PEX26: variants seen among roughly 807,000 people sequenced by gnomAD.
PEX26 encodes the protein peroxisomal biogenesis factor 26.
In PEX26, 18 loss-of-function variants were observed where a neutral mutation model predicts 31.4. That is an observed-to-expected ratio of 0.57 (90% confidence interval 0.40 to 0.85). The LOEUF (loss-of-function observed/expected upper bound fraction) is 0.85. Among genes scored for constraint, PEX26 ranks in the 40% least tolerant of loss-of-function variants. The probability of loss-of-function intolerance (pLI) is 0.00; values close to 1 mark genes in which losing one functional copy is unlikely to be tolerated. For missense variants in PEX26, 377 were observed against 383.9 expected (o/e 0.98, Z 0.15); for synonymous variants, 176 against 166.9 (o/e 1.05, Z -0.42).
At position 18,094,171 on chromosome 22, in the gene PEX26, G is replaced by A. The variant is rs1177045546; in HGVS notation, c.*6096G>A. On this transcript the variant is annotated 3_prime_UTR_variant, in exon 5 of 5. Coordinates refer to ENST00000399744, the MANE Select transcript of PEX26 (RefSeq NM_001127649.3). Reference sequence around the variant, plus strand: ...TGTCAGATAATAGCAGAGACTTGGTGAAGAAATGAAAGCACTTTTGTAGAA... The same window carrying A: ...TGTCAGATAATAGCAGAGACTTGGTAAAGAAATGAAAGCACTTTTGTAGAA... The A allele has an allele frequency of 1.3e-5, 2 of 152,054 alleles. No homozygotes were observed. The highest frequency in any genetic ancestry group is 2.1e-4 in the South Asian group (1 of 4,818). The allele number at this position is 152,054 out of a possible 1,614,324, so 9.4% of individuals were successfully genotyped here.
In PEX26 at chr22:18,090,297, C is replaced by T. The variant is rs1038634375; in HGVS notation, c.*2222C>T. On this transcript the variant is annotated 3_prime_UTR_variant, in exon 5 of 5. Coordinates refer to ENST00000399744, the MANE Select transcript of PEX26 (RefSeq NM_001127649.3). ...CTAAATTCTTCATGGAATTGAAGGC[C>T]CCTATGTGCTGGTTTTGGCTAAGAT... 1.3e-5 allele frequency: 2 copies of T among 152,140 alleles called. No homozygotes were observed. The highest frequency in any genetic ancestry group is 4.8e-5 in the African/African-American group (2 of 41,408). The allele number at this position is 152,140 out of a possible 1,614,324, so 9.4% of individuals were successfully genotyped here.
chr22:18,097,141 C>T lies in PEX26; in HGVS notation c.*9066C>T, dbSNP rs927111147. 2.0e-5 allele frequency: 3 copies of T among 152,176 alleles called. No homozygotes were observed. The highest frequency in any genetic ancestry group is 4.1e-4 in the South Asian group (2 of 4,824). The allele number at this position is 152,176 out of a possible 1,614,324, so 9.4% of individuals were successfully genotyped here. Reference sequence around the variant, plus strand: ...GTCACCTCCCACCAGGTCCCTCCTCCGACGTGGGGATTACAGTTTGAGATG... The same window carrying T: ...GTCACCTCCCACCAGGTCCCTCCTCTGACGTGGGGATTACAGTTTGAGATG... On this transcript the variant is annotated 3_prime_UTR_variant, in exon 5 of 5. Transcript: ENST00000399744.
In PEX26 at chr22:18,078,387, A is replaced by G. The variant is rs1464374837; in HGVS notation, c.11A>G (p.Asp4Gly). MKS[D>G]SSTSAAPLRG... ...GGACCCGGACTCGTTATGAAGAGCG[A>G]TTCTTCGACCTCTGCAGCCCCCCTC... The change falls in exon 1 of 5, where the codon GAT becomes GGT. Residue 4 changes from aspartate to glycine, a missense_variant. Asp to Gly is a moderately conservative substitution (Grantham distance 94). Transcript: ENST00000399744. 6.2e-7 allele frequency: 1 copy of G among 1,600,676 alleles called. No individual in the cohort carries two copies. The highest frequency in any genetic ancestry group is 1.1e-5 in the South Asian group (1 of 89,532).
Position 18,091,608 on chromosome 22 carries a change from C to T in PEX26, c.*3533C>T, listed in dbSNP as rs915470053. 21 of 152,286 alleles carry T rather than the reference C, an allele frequency of 1.4e-4. No individual in the cohort carries two copies. Among genetic ancestry groups the T allele is most frequent in the African/African-American group, 5.1e-4 (21 of 41,450 alleles). The allele number at this position is 152,286 out of a possible 1,614,324, so 9.4% of individuals were successfully genotyped here. ...AGCTGAGATCGCGCCATTGCACTCC[C>T]ACCTGGGCAACAAAGAGTGAAACTT... On this transcript the variant is annotated 3_prime_UTR_variant, in exon 5 of 5. Transcript: ENST00000399744.
rs362209 is a variant in PEX26 at position 18,090,356 on chromosome 22, T to C, written c.*2281T>C. The stretch of plus-strand genomic sequence containing the variant: ...TGATGTGGGTCCCCTGTTGATTATA[T>C]GTGCGGCCTTCCAGCTGCCCACCAT... On this transcript the variant is annotated 3_prime_UTR_variant, in exon 5 of 5. Coordinates refer to ENST00000399744, the MANE Select transcript of PEX26 (RefSeq NM_001127649.3). 151,266 of 152,474 alleles carry C rather than the reference T, an allele frequency of 0.99. 75,039 individuals are homozygous for C. Among genetic ancestry groups the C allele is most frequent in the East Asian group, 1 (5,174 of 5,176 alleles). The allele number at this position is 152,474 out of a possible 1,614,324, so 9.4% of individuals were successfully genotyped here.
intron 4 of PEX26, among the ~76,000 whole-genome samples, chr22:18,087,263 C>T (rs1027648641): frequency 1.4e-4 from 22 of 152,134 alleles, no homozygotes; most frequent in South Asian, 8.3e-4. Flanking sequence ...TTAGTAGAGA[C>T]GGGGTTTCGC....
chr22:18,084,166 G>T (rs569643972), intron 3 of PEX26, among the ~76,000 whole-genome samples: 6 of 151,296 alleles, frequency 4.0e-5, no homozygotes, highest in Non-Finnish European at 8.8e-5. Flanking sequence ...AATCTTTTCC[G>T]CCCTTTTCCT....
Position 18,090,679 on chromosome 22 carries a change from G to C in PEX26, c.*2604G>C, listed in dbSNP as rs983170194. The C allele has an allele frequency of 1.3e-5, 2 of 152,104 alleles. No individual in the cohort carries two copies. The highest frequency in any genetic ancestry group is 2.4e-5 in the African/African-American group (1 of 41,396). 9.4% of individuals were successfully genotyped at this position (152,104 alleles called of 1,614,324 possible). ...AGTGGATTTGCTGGTTGTTTCTACA[G>C]GGTTCTGAAGCATGCAACATAGAAC... On this transcript the variant is annotated 3_prime_UTR_variant, in exon 5 of 5. Transcript: ENST00000399744.
At position 18,083,685 on chromosome 22, in the gene PEX26, A is replaced by C. The variant is rs748427404; in HGVS notation, c.620A>C (p.Lys207Thr). ...QAIHTARQQQ[K>T]QEHSGSEEAQ... is the part of the protein sequence containing the mutation. ...ATTCACACAGCGAGGCAGCAGCAGA[A>C]ACAGGAACACTCAGGCTCTGAGGAG... The change falls in exon 3 of 5, where the codon AAA (lysine) becomes ACA (threonine). Residue 207 changes from lysine to threonine, a missense_variant. Lys to Thr is a moderately conservative substitution (Grantham distance 78, BLOSUM62 -1). Transcript: ENST00000399744. 1.9e-6 allele frequency: 3 copies of C among 1,614,114 alleles called. No homozygotes were observed. The highest frequency in any genetic ancestry group is 2.2e-5 in the South Asian group (2 of 91,076).
intron 4 of PEX26, among the ~76,000 whole-genome samples, chr22:18,086,542 T>C (rs1418644406): frequency 6.6e-6 from 1 of 152,214 alleles, no homozygotes; most frequent in Non-Finnish European, 1.5e-5. Context: ...TCTGCCTCGC[T>C]GTGAAGAAGG....
Position 18,104,490 on chromosome 22 carries a change from C to G in PEX26, c.*16415C>G, listed in dbSNP as rs866798262. On this transcript the variant is annotated 3_prime_UTR_variant, in exon 5 of 5. Coordinates refer to ENST00000399744, the MANE Select transcript of PEX26 (RefSeq NM_001127649.3). ...CGTTGGGATTACAGGCATGAGCCAT[C>G]GCACCCGCCTCTTTAGGTGTTCTTT... The G allele has an allele frequency of 6.6e-6, 1 of 152,152 alleles. No individual in the cohort carries two copies. Among genetic ancestry groups the G allele is most frequent in the East Asian group, 1.9e-4 (1 of 5,204 alleles). 9.4% of individuals were successfully genotyped at this position (152,152 alleles called of 1,614,324 possible).
Position 18,088,090 on chromosome 22 carries a change from C to A in PEX26, c.*15C>A. 1 of 1,519,856 alleles carries A rather than the reference C, an allele frequency of 6.6e-7. No homozygotes were observed. The highest frequency in any genetic ancestry group is 9.1e-7 in the Non-Finnish European group (1 of 1,096,198). The allele number at this position is 1,519,856 out of a possible 1,614,324, so 94.1% of individuals were successfully genotyped here. ...TCCGTGACTGAGGGTCCCTGCGCAC[C>A]ACAGCCTCTCTGCTCCTCACGTCCG... On this transcript the variant is annotated 3_prime_UTR_variant, in exon 5 of 5. Coordinates refer to ENST00000399744, the MANE Select transcript of PEX26 (RefSeq NM_001127649.3). The surrounding 1 kb of genome is among the most constrained non-coding windows in gnomAD (Gnocchi z 4.1).
At chr22:18,082,114 C>T (rs1048523390) in intron 2 of PEX26, among the ~76,000 whole-genome samples, 22 of 135,008 alleles carry the variant, frequency 1.6e-4, no homozygotes, top group East Asian at 7.6e-4. Flanking sequence ...TGGATATTAA[C>T]GCTTTGTCAG....
chr22:18,084,233 C>CTT (rs1926739076), intron 3 of PEX26, among the ~76,000 whole-genome samples: 3 of 101,884 alleles, frequency 2.9e-5, no homozygotes, highest in Non-Finnish European at 5.5e-5. Context: ...CACCATCTCT[C>CTT]TCTCTTTTTT....
rs1927137551 is a variant in PEX26 at position 18,092,535 on chromosome 22, G to T, written c.*4460G>T. The T allele has an allele frequency of 6.6e-6, 1 of 152,128 alleles. No individual in the cohort carries two copies. Among genetic ancestry groups the T allele is most frequent in the African/African-American group, 2.4e-5 (1 of 41,426 alleles). The allele number at this position is 152,128 out of a possible 1,614,324, so 9.4% of individuals were successfully genotyped here. ...CTTAAAGCAATGCATGTATATTTTA[G>T]AAAATATTAATTGCATAGAAGGAAA... On this transcript the variant is annotated 3_prime_UTR_variant, in exon 5 of 5. Coordinates refer to ENST00000399744, the MANE Select transcript of PEX26 (RefSeq NM_001127649.3).
At position 18,105,393 on chromosome 22, in the gene PEX26, T is replaced by G. The variant is rs1183209441; in HGVS notation, c.*17318T>G. ...AAAATGAGGATAATAAAAATTTAAC[T>G]TCAGAGGTTTGTTGTGAGGAATAAA... On this transcript the variant is annotated 3_prime_UTR_variant, in exon 5 of 5. Transcript: ENST00000399744. The G allele has an allele frequency of 5.3e-5, 8 of 152,208 alleles. No individual in the cohort carries two copies. The highest frequency in any genetic ancestry group is 5.2e-4 in the Admixed American group (8 of 15,260). The allele number at this position is 152,208 out of a possible 1,614,324, so 9.4% of individuals were successfully genotyped here. A position where few individuals can be genotyped will look rare whatever the true frequency, so the allele number is the denominator to read the frequency against.
intron 2 of PEX26, chr22:18,081,763 A>G (rs1245396976): frequency 1.9e-5 from 3 of 154,090 alleles, no homozygotes; most frequent in Non-Finnish European, 2.9e-5. Context: ...CGTCTTTCCT[A>G]TTTTGAATTT....
chr22:18,079,341 A>G, intron 1 of PEX26: 3 of 500,234 alleles, frequency 6.0e-6, no homozygotes, highest in Non-Finnish European at 7.8e-6. Context: ...GTTGACCACA[A>G]AGAAGGATGA....
At chr22:18,086,202 G>C (rs1333798961) in intron 4 of PEX26, among the ~76,000 whole-genome samples, 1 of 152,050 alleles carries the variant, frequency 6.6e-6, no homozygotes, top group Non-Finnish European at 1.5e-5. Context: ...GGAGGGTGAG[G>C]CAGGGAGCAT....
Sources: gnomAD v4.1 joint callset for allele counts (sites outside exome capture counted in the v4.1 genomes callset) on GRCh38, gnomAD v4.1.1 for gene constraint, Gnocchi (gnomAD v3.1) non-coding constraint, MANE v1.5 for transcripts, NCBI Gene and HGNC (gene_info 2026-07-23, HGNC 2026-07-21) for gene names.